Variants in CIT observed in about 807,000 individuals in gnomAD.
CIT encodes the protein citron Rho-interacting kinase.
A neutral mutation model predicts 272.7 loss-of-function variants in CIT; 79 were observed. That is an observed-to-expected ratio of 0.29 (90% confidence interval 0.24 to 0.35). The LOEUF (loss-of-function observed/expected upper bound fraction) is 0.35, where lower values mean the gene tolerates loss of function less well. Among genes scored for constraint, CIT ranks in the 10% least tolerant of loss-of-function variants. The pLI is 1.00. For synonymous variants in CIT, 948 were observed against 995.6 expected (o/e 0.95, Z 0.90); for missense variants, 1,909 against 2,618.3 (o/e 0.73, Z 5.91).
At chr12:119,766,075 G>T (rs564407988) in intron 19 of CIT, among the ~76,000 whole-genome samples, 38 of 152,252 alleles carry the variant, frequency 2.5e-4, no homozygotes, top group African/African-American at 7.7e-4. Flanking sequence ...CAGCGGGGGT[G>T]GGGTGGGGAG....
chr12:119,857,482 G>T (rs762542721), intron 4 of CIT, 41 bp downstream of exon 4: 3 of 1,603,554 alleles, frequency 1.9e-6, no homozygotes, highest in South Asian at 1.1e-5. Flanking sequence ...TGAACACTCC[G>T]GTACAGAAAG....
Position 119,730,598 on chromosome 12 carries a change from C to T in CIT, c.3383G>A (p.Arg1128His), listed in dbSNP as rs1276288910. 2.5e-6 allele frequency: 4 copies of T among 1,614,032 alleles called. No individual in the cohort carries two copies. Among genetic ancestry groups the T allele is most frequent in the Non-Finnish European group, 3.4e-6 (4 of 1,179,958 alleles). Residue 1128 changes from arginine to histidine, a missense_variant, in exon 27 of 48, where the codon CGC (arginine) becomes CAC (histidine). By Grantham distance (29) the Arg-to-His change is conservative. Coordinates refer to ENST00000392521, the MANE Select transcript of CIT (RefSeq NM_001206999.2). ...CTTCACTGCCAGCTCCACCACCTGG[C>T]GAGACTCGGTGATCCGCTGATCGGC... ...ARADQRITES[R>H]QVVELAVKEH...
chr12:119,739,426 T>C (rs1328447761), intron 24 of CIT, among the ~76,000 whole-genome samples: 2 of 152,142 alleles, frequency 1.3e-5, no homozygotes, highest in East Asian at 3.9e-4. Flanking sequence ...TAATAACTCA[T>C]TTTTAAATGA....
rs928744173 is a variant in CIT, at chr12:119,831,897, T to A, written c.753+874A>T. On this transcript the variant is annotated intron_variant, in intron 7 of 47. Transcript: ENST00000392521. ...AAAAAAAGAAAAAAGAAAAAGAAAA[T>A]TTTACATATTGTCCTTTATGTAAAG... Among the ~76,000 whole-genome samples the A allele has an allele frequency of 4.6e-5, 7 of 152,142 alleles. No individual in the cohort carries two copies. The East Asian group carries it at 1.4e-3, about 29-fold the overall frequency.
chr12:119,822,454 C>T (rs1967804326), intron 9 of CIT, among the ~76,000 whole-genome samples: 1 of 152,168 alleles, frequency 6.6e-6, no homozygotes, highest in Non-Finnish European at 1.5e-5. Context: ...GGCATGTTGC[C>T]TAATCTGAGT....
Position 119,855,893 on chromosome 12 carries a change from C to A in CIT, c.414+1630G>T, listed in dbSNP as rs114431713. Among the ~76,000 whole-genome samples the A allele has an allele frequency of 8.6e-3, 1,302 of 152,206 alleles. 17 individuals are homozygous for A. Among genetic ancestry groups the A allele is most frequent in the African/African-American group, 0.03 (1,238 of 41,530 alleles). On this transcript the variant is annotated intron_variant, in intron 4 of 47. Transcript: ENST00000392521. ...CACAAGGTCAGGGCTACACGTAATG[C>A]CTCTTCTCCAGGACCTAGAAACACA...
intron 23 of CIT, among the ~76,000 whole-genome samples, chr12:119,743,521 G>A (rs1959164600): frequency 6.6e-6 from 1 of 152,138 alleles, no homozygotes; most frequent in African/African-American, 2.4e-5. Context: ...GGGGTTTTTT[G>A]TTTTGTTGTA....
chr12:119,803,802 T>C (rs1017659867), intron 9 of CIT, among the ~76,000 whole-genome samples: 2 of 152,060 alleles, frequency 1.3e-5, no homozygotes, highest in African/African-American at 2.4e-5. Flanking sequence ...TCCAGACAGG[T>C]CTAAATTATT....
chr12:119,701,908 A>G lies in CIT; in HGVS notation c.5355T>C (p.Ser1785=). ...PCSCIHFTNY[S]ILIGTNKFYE... is the part of the protein sequence containing the mutation. ...AGAATTTATTGGTTCCAATGAGGAT[A>G]CTGTAATTGGTGAAGTGGATACAGC... Residue 1785 remains serine (S), a synonymous_variant, in exon 42 of 48, where the codon AGT becomes AGC. Transcript: ENST00000392521. 1 of 1,614,030 alleles carries G rather than the reference A, an allele frequency of 6.2e-7. No homozygotes were observed. The highest frequency in any genetic ancestry group is 1.7e-5 in the Admixed American group (1 of 60,014).
At position 119,712,997 on chromosome 12, in the gene CIT, C is replaced by T. The variant is rs1444424330; in HGVS notation, c.4579+206G>A. On this transcript the variant is annotated intron_variant, in intron 35 of 47. Transcript: ENST00000392521. The surrounding 1 kb of genome is among the most constrained non-coding windows in gnomAD (Gnocchi z 5.2). ...TTAGCAGGTGGAATCTTCAGGGCAG[C>T]GCCCTGCGGGTTCTTCAGGGGGGAG... 16 of 606,158 alleles carry T rather than the reference C, an allele frequency of 2.6e-5. No individual in the cohort carries two copies. The South Asian group carries it at 3.0e-4, about 11-fold the overall frequency. 37.5% of individuals were successfully genotyped at this position (606,158 alleles called of 1,614,324 possible).
chr12:119,815,692 G>A (rs1967116735), intron 9 of CIT, among the ~76,000 whole-genome samples: 1 of 151,426 alleles, frequency 6.6e-6, no homozygotes, highest in South Asian at 2.1e-4. Context: ...GGCAACTAGA[G>A]CAAAACTCCA....
At position 119,850,375 on chromosome 12, in the gene CIT, T is replaced by A. The variant is rs1355802540; in HGVS notation, c.415-100A>T. ...ATGCCTAAACTGATGTTTCTAGCTT[T>A]AAAAAAAAAAAAAGGCAAAGGAAAG... is the stretch of plus-strand genomic sequence containing the variant. On this transcript the variant is annotated intron_variant, in intron 4 of 47. Transcript: ENST00000392521. 351 of 281,476 alleles carry A rather than the reference T, an allele frequency of 1.2e-3. No homozygotes were observed. Among genetic ancestry groups the A allele is most frequent in the South Asian group, 2.8e-3 (40 of 14,278 alleles). 17.4% of individuals were successfully genotyped at this position (281,476 alleles called of 1,614,324 possible).
chr12:119,829,100 G>A (rs1037909888), intron 7 of CIT, among the ~76,000 whole-genome samples: 6 of 152,078 alleles, frequency 3.9e-5, no homozygotes, highest in Admixed American at 6.6e-5. Flanking sequence ...AGATGAGGAA[G>A]AAAGAAAACC....
intron 7 of CIT, among the ~76,000 whole-genome samples, chr12:119,830,193 G>A (rs1390320970): frequency 2.0e-5 from 3 of 150,790 alleles, no homozygotes; most frequent in Non-Finnish European, 2.9e-5. Context: ...TGCCTGTCAC[G>A]TTCCAACCCT....
chr12:119,778,787 C>G (rs1964026262), intron 13 of CIT, among the ~76,000 whole-genome samples: 1 of 152,138 alleles, frequency 6.6e-6, no homozygotes, highest in African/African-American at 2.4e-5. Context: ...ATTTCACTCT[C>G]TCCCACCCAA....
At chr12:119,775,881 G>A in intron 15 of CIT, 42 bp from the exon 16 acceptor site, 1 of 1,494,890 alleles carries the variant, frequency 6.7e-7, no homozygotes, top group Non-Finnish European at 9.3e-7. Context: ...AGGCAAATCA[G>A]CATTAACATC....
intron 24 of CIT, among the ~76,000 whole-genome samples, chr12:119,738,829 G>T (rs1433060451): frequency 1.4e-5 from 2 of 147,988 alleles, no homozygotes; most frequent in Admixed American, 1.4e-4. Context: ...GTTGTGGTGA[G>T]CCAAGATCAC....
chr12:119,774,209 C>T (rs1397726755), intron 16 of CIT, among the ~76,000 whole-genome samples: 1 of 151,918 alleles, frequency 6.6e-6, no homozygotes, highest in Admixed American at 6.6e-5. Context: ...AGATTCATTG[C>T]CCAGTAATGG....
At chr12:119,738,706 A>G (rs1204236634) in intron 24 of CIT, among the ~76,000 whole-genome samples, 1 of 152,054 alleles carries the variant, frequency 6.6e-6, no homozygotes, top group Non-Finnish European at 1.5e-5. Flanking sequence ...CAACATGGAG[A>G]AATCCCGTCT....
Sources: gnomAD v4.1 joint callset for allele counts (sites outside exome capture counted in the v4.1 genomes callset) on GRCh38, gnomAD v4.1.1 for gene constraint, Gnocchi (gnomAD v3.1) non-coding constraint, MANE v1.5 for transcripts, NCBI Gene and HGNC (gene_info 2026-07-23, HGNC 2026-07-21) for gene names.